The following MGAT4A variants were observed in gnomAD, a reference collection of about 807,000 sequenced individuals.
MGAT4A encodes N-acetylglucosaminyltransferase IVa.
MGAT4A carries 33 observed loss-of-function variants against 74.1 expected under a neutral mutation model. The observed-to-expected ratio is 0.45, with a 90% CI of 0.34 to 0.60. The LOEUF (loss-of-function observed/expected upper bound fraction) is 0.60. MGAT4A is among the 20% of genes least tolerant of loss of function. The probability of loss-of-function intolerance (pLI) is 0.02; values close to 1 mark genes in which losing one functional copy is unlikely to be tolerated. For missense variants in MGAT4A, 479 were observed against 628.3 expected (o/e 0.76, Z 2.54); for synonymous variants, 198 against 210.4 (o/e 0.94, Z 0.51).
intron 2 of MGAT4A, 53 bp from the exon 3 acceptor site, chr2:98,678,524 T>C (rs1314304039): frequency 8.3e-7 from 1 of 1,208,230 alleles, no homozygotes. Context: ...AAATAAACAA[T>C]ATAATCTCAA....
chr2:98,705,381 C>T (rs1702410341), intron 2 of MGAT4A, among the ~76,000 whole-genome samples: 1 of 152,116 alleles, frequency 6.6e-6, no homozygotes, highest in South Asian at 2.1e-4. Flanking sequence ...TTCCTTGTTC[C>T]ACCTGATCAT....
At position 98,623,828 on chromosome 2, in the gene MGAT4A, A is replaced by T; in HGVS notation, c.*1738T>A. ...ATGCTGTTGGTTCAGCACATTGGGT[A>T]ACTAGATGAAGCTCCTCCAGGCTAG... On this transcript the variant is annotated 3_prime_UTR_variant, in exon 16 of 16. Transcript: ENST00000393487. 1.0e-6 allele frequency: 1 copy of T among 985,408 alleles called. No individual in the cohort carries two copies. Among genetic ancestry groups the T allele is most frequent in the Non-Finnish European group, 1.2e-6 (1 of 829,950 alleles). The allele number at this position is 985,408 out of a possible 1,614,324, so 61.0% of individuals were successfully genotyped here. A position where few individuals can be genotyped will look rare whatever the true frequency, so the allele number is the denominator to read the frequency against.
At position 98,623,440 on chromosome 2, in the gene MGAT4A, G is replaced by A; in HGVS notation, c.*2126C>T. 1.0e-6 allele frequency: 1 copy of A among 985,432 alleles called. No homozygotes were observed. The highest frequency in any genetic ancestry group is 1.2e-6 in the Non-Finnish European group (1 of 829,918). 61.0% of individuals were successfully genotyped at this position (985,432 alleles called of 1,614,324 possible). A position where few individuals can be genotyped will look rare whatever the true frequency, so the allele number is the denominator to read the frequency against. On this transcript the variant is annotated 3_prime_UTR_variant, in exon 16 of 16. Coordinates refer to ENST00000393487, the MANE Select transcript of MGAT4A (RefSeq NM_012214.3). Reference sequence around the variant, plus strand: ...AAGAGTACTCCTAAGCCCACCTGCAGAGATTTTTACTTCTGGTACTCAGTT... The same window carrying A: ...AAGAGTACTCCTAAGCCCACCTGCAAAGATTTTTACTTCTGGTACTCAGTT...
chr2:98,678,602 GA>G (rs1009241584), intron 2 of MGAT4A, 131 bp from the exon 3 acceptor site: 221 of 454,798 alleles, frequency 4.9e-4, no homozygotes, highest in Middle Eastern at 2.6e-3. Context: ...ATACAGAACT[GA>G]AAAAAAAAGG....
chr2:98,680,076 T>G (rs1333638054), intron 2 of MGAT4A, among the ~76,000 whole-genome samples: 2 of 147,584 alleles, frequency 1.4e-5, no homozygotes, highest in African/African-American at 5.0e-5. Context: ...AGTCTCACTC[T>G]GTCGCCCAGG....
At chr2:98,641,717 C>T (rs764697083) in intron 10 of MGAT4A, among the ~76,000 whole-genome samples, 2 of 149,460 alleles carry the variant, frequency 1.3e-5, no homozygotes, top group Non-Finnish European at 3.0e-5. Flanking sequence ...AATTAGCAGC[C>T]GGCTTGGTGG....
chr2:98,630,617 G>A (rs183543737), intron 14 of MGAT4A, among the ~76,000 whole-genome samples: 9 of 152,144 alleles, frequency 5.9e-5, no homozygotes, highest in East Asian at 1.9e-4. Context: ...TGTTCCATAC[G>A]TACATAGGCA....
At chr2:98,674,685 A>G (rs894396608) in intron 4 of MGAT4A, among the ~76,000 whole-genome samples, 3 of 152,184 alleles carry the variant, frequency 2.0e-5, no homozygotes, top group Non-Finnish European at 4.4e-5. Flanking sequence ...CATAAGAAAA[A>G]CCTTTATGAC....
chr2:98,631,838 T>G (rs1011678716), intron 14 of MGAT4A, among the ~76,000 whole-genome samples: 5 of 152,146 alleles, frequency 3.3e-5, no homozygotes, highest in Non-Finnish European at 7.4e-5. Flanking sequence ...GGGGGTCTAA[T>G]GGCTGGTGCG....
At chr2:98,694,395 C>T (rs1159932597) in intron 2 of MGAT4A, 1 of 153,514 alleles carries the variant, frequency 6.5e-6, no homozygotes, top group Non-Finnish European at 1.5e-5. Flanking sequence ...TTGGATACAC[C>T]ATGGTCTTGG....
rs113752842 is a variant in MGAT4A, at chr2:98,670,261, T to C, written c.403+4774A>G. 6.6e-5 allele frequency among the ~76,000 whole-genome samples: 10 copies of C among 152,298 alleles called. 2 individuals carry two copies. The highest frequency in any genetic ancestry group is 2.4e-4 in the African/African-American group (10 of 41,562). On this transcript the variant is annotated intron_variant, in intron 4 of 15. Coordinates refer to ENST00000393487, the MANE Select transcript of MGAT4A (RefSeq NM_012214.3). ...TTGGGCTAGGTACTGGGATCACTAA[T>C]TTTGTTTTAATTCTGAGTGCAAGAG... is the stretch of plus-strand genomic sequence containing the variant.
intron 2 of MGAT4A, among the ~76,000 whole-genome samples, chr2:98,679,073 G>C (rs1702018271): frequency 6.6e-6 from 1 of 152,058 alleles, no homozygotes. Flanking sequence ...AGCACTCTAG[G>C]AGGCCAAGGT....
intron 6 of MGAT4A, among the ~76,000 whole-genome samples, chr2:98,657,868 A>G (rs1450686988): frequency 6.6e-6 from 1 of 152,216 alleles, no homozygotes; most frequent in African/African-American, 2.4e-5. Flanking sequence ...TTAAATATCT[A>G]CCCTGAGAGC....
intron 4 of MGAT4A, among the ~76,000 whole-genome samples, chr2:98,671,226 C>T (rs1053358515): frequency 6.6e-6 from 1 of 152,294 alleles, no homozygotes; most frequent in Middle Eastern, 3.4e-3. Context: ...ACTGCTACCT[C>T]GTCCAAGTTC....
chr2:98,690,391 A>C (rs1702179405), intron 2 of MGAT4A, among the ~76,000 whole-genome samples: 2 of 152,090 alleles, frequency 1.3e-5, no homozygotes. Flanking sequence ...ACTTACGGGA[A>C]ACTGACCTCC....
rs113260242 is a variant in MGAT4A at position 98,627,282 on chromosome 2, T to G, written c.1469-1447A>C. On this transcript the variant is annotated intron_variant, in intron 14 of 15. Transcript: ENST00000393487. ...TTAACTGTCATTAAAATGATTTGAC[T>G]GCAATGTTAGTTTTGCATATAAGCA... Among the ~76,000 whole-genome samples the G allele has an allele frequency of 5.1e-3, 771 of 152,358 alleles. 7 individuals carry two copies. Among genetic ancestry groups the G allele is most frequent in the African/African-American group, 0.018 (736 of 41,578 alleles).
At chr2:98,707,074 G>T (rs1702449529) in intron 2 of MGAT4A, among the ~76,000 whole-genome samples, 1 of 152,104 alleles carries the variant, frequency 6.6e-6, no homozygotes, top group African/African-American at 2.4e-5. Flanking sequence ...AATTAGCTGG[G>T]TGTGGTGGCG....
chr2:98,690,737 A>T (rs1702184343), intron 2 of MGAT4A, among the ~76,000 whole-genome samples: 2 of 152,232 alleles, frequency 1.3e-5, no homozygotes, highest in Non-Finnish European at 2.9e-5. Flanking sequence ...CCATCATAAA[A>T]ATGCTTCAAT....
At chr2:98,724,656 T>G (rs989441401) in intron 2 of MGAT4A, among the ~76,000 whole-genome samples, 1 of 152,202 alleles carries the variant, frequency 6.6e-6, no homozygotes, top group African/African-American at 2.4e-5. Flanking sequence ...TAATTATGCT[T>G]ATTATAAGGC....
Sources: gnomAD v4.1 joint callset for allele counts (sites outside exome capture counted in the v4.1 genomes callset) on GRCh38, gnomAD v4.1.1 for gene constraint, MANE v1.5 for transcripts, NCBI Gene and HGNC (gene_info 2026-07-23, HGNC 2026-07-21) for gene names.